Variants in ASIC2 observed in about 807,000 individuals in gnomAD.
ASIC2 encodes the protein acid sensing ion channel subunit 2, also known as acid-sensing ion channel 2.
Under a neutral mutation model 57.3 loss-of-function variants are expected in ASIC2, and 25 were observed. The ratio of observed to expected loss-of-function variants is 0.44; its 90% CI spans 0.32 to 0.61. ASIC2 has a LOEUF of 0.61. Ranked by LOEUF, ASIC2 falls within the 20% of genes least tolerant of loss-of-function variation. The probability of loss-of-function intolerance (pLI) is 0.06; values close to 1 mark genes in which losing one functional copy is unlikely to be tolerated. For synonymous variants in ASIC2, 319 were observed against 307.5 expected, an observed-to-expected ratio of 1.04 and a Z score of -0.39; for missense variants, 641 against 738.1, an observed-to-expected ratio of 0.87 and a Z score of 1.52.
chr17:33,573,119 A>G (rs1469973350), intron 1 of ASIC2, among the ~76,000 whole-genome samples: 1 of 152,184 alleles, frequency 6.6e-6, no homozygotes, highest in Admixed American at 6.5e-5. Context: ...AAGGTGAAAT[A>G]TGGGCTTCAT....
chr17:33,488,963 G>T (rs768547820), intron 1 of ASIC2, among the ~76,000 whole-genome samples: 7 of 151,984 alleles, frequency 4.6e-5, no homozygotes, highest in African/African-American at 7.3e-5. Context: ...CAGTAGCATG[G>T]GTCACAGTCC....
At chr17:33,818,908 C>G (rs1251269204) in intron 1 of ASIC2, among the ~76,000 whole-genome samples, 1 of 152,164 alleles carries the variant, frequency 6.6e-6, no homozygotes, top group African/African-American at 2.4e-5. Context: ...TTCCAAGGCC[C>G]CATCTTGCTC....
At position 33,674,873 on chromosome 17, in the gene ASIC2, T is replaced by C. The variant is rs75860964; in HGVS notation, c.555+481105A>G. 2.6e-3 allele frequency among the ~76,000 whole-genome samples: 389 copies of C among 152,250 alleles called. 10 individuals are homozygous for C. In the East Asian group the frequency reaches 0.057, roughly 22 times the overall value. ...TGCATTTGTGGTCTGAGCCCAGAAA[T>C]TGAGGAATCACGTGACCTTGGGTAA... is the stretch of plus-strand genomic sequence containing the variant. On this transcript the variant is annotated intron_variant, in intron 1 of 9. Coordinates refer to the ASIC2 transcript ENST00000359872.
chr17:33,871,012 A>G (rs1914390170), intron 1 of ASIC2, among the ~76,000 whole-genome samples: 1 of 152,208 alleles, frequency 6.6e-6, no homozygotes, highest in African/African-American at 2.4e-5. Context: ...GAAGCTGGGC[A>G]TCTTGGCTTC....
chr17:33,109,640 C>T (rs2092248762), intron 2 of ASIC2, among the ~76,000 whole-genome samples: 1 of 152,138 alleles, frequency 6.6e-6, no homozygotes, highest in South Asian at 2.1e-4. Flanking sequence ...TTTTCTCATG[C>T]CTCCTGCACC....
At chr17:33,874,280 C>T (rs1221937046) in intron 1 of ASIC2, among the ~76,000 whole-genome samples, 1 of 152,142 alleles carries the variant, frequency 6.6e-6, no homozygotes, top group Non-Finnish European at 1.5e-5. Flanking sequence ...GATGAAAGGA[C>T]TTTAGACCTC....
At chr17:33,966,063 G>C (rs185855361) in intron 1 of ASIC2, among the ~76,000 whole-genome samples, 1 of 152,184 alleles carries the variant, frequency 6.6e-6, no homozygotes, top group African/African-American at 2.4e-5. Flanking sequence ...CTGTACATGG[G>C]CTATTGTTCA....
chr17:33,029,715 A>G (rs571289413), intron 3 of ASIC2, among the ~76,000 whole-genome samples: 1 of 152,244 alleles, frequency 6.6e-6, no homozygotes, highest in Non-Finnish European at 1.5e-5. Flanking sequence ...CCCAACTGTT[A>G]TCCAAAGTGG....
In ASIC2 at chr17:33,650,307, A is replaced by T. The variant is rs149777777; in HGVS notation, c.555+505671T>A. Among the ~76,000 whole-genome samples the T allele has an allele frequency of 1.9e-3, 287 of 152,328 alleles. 1 individual carries two copies. Among genetic ancestry groups the T allele is most frequent in the African/African-American group, 6.5e-3 (269 of 41,574 alleles). ...TGATCACTATCCCTCTATCAGAATG[A>T]ATAAAATAAAAAAGAGTGAGAACTC... is the stretch of plus-strand genomic sequence containing the variant. On this transcript the variant is annotated intron_variant, in intron 1 of 9. Transcript: ENST00000359872.
At chr17:34,137,512 G>A (rs1007806251) in intron 1 of ASIC2, among the ~76,000 whole-genome samples, 3 of 152,206 alleles carry the variant, frequency 2.0e-5, no homozygotes, top group Admixed American at 6.5e-5. Context: ...GTTGTGTGGA[G>A]GAAACATCTC....
chr17:33,313,296 C>T (rs1473490152), intron 1 of ASIC2, among the ~76,000 whole-genome samples: 1 of 151,210 alleles, frequency 6.6e-6, no homozygotes, highest in African/African-American at 2.4e-5. Flanking sequence ...TCACTGCACT[C>T]TGCCCTGGGA....
intron 1 of ASIC2, among the ~76,000 whole-genome samples, chr17:33,625,643 G>C (rs1233406463): frequency 6.6e-6 from 1 of 152,196 alleles, no homozygotes; most frequent in Non-Finnish European, 1.5e-5. Flanking sequence ...CAAACTTTTT[G>C]AATATCCCTA....
rs1245935524 is a variant in ASIC2 at position 33,291,261 on chromosome 17, G to T, written c.708+147C>A. On this transcript the variant is annotated intron_variant, in intron 1 of 9. Transcript: ENST00000225823. ...ACAACCTGCAGGAGAAGACTCAGGG[G>T]ACCCAAGAATGGGTTCTGCCTTGGC... is the stretch of plus-strand genomic sequence containing the variant. The T allele has an allele frequency of 3.8e-5, 53 of 1,408,452 alleles. No individual in the cohort carries two copies. In the South Asian group the frequency reaches 7.9e-4, roughly 21 times the overall value. 87.2% of individuals were successfully genotyped at this position (1,408,452 alleles called of 1,614,324 possible).
intron 1 of ASIC2, among the ~76,000 whole-genome samples, chr17:34,095,430 A>G (rs1354301949): frequency 2.6e-5 from 4 of 152,094 alleles, no homozygotes; most frequent in African/African-American, 9.6e-5. Context: ...TCCTTAATAG[A>G]CAAGCTGGTG....
intron 1 of ASIC2, among the ~76,000 whole-genome samples, chr17:33,478,452 C>G (rs1391032125): frequency 6.6e-6 from 1 of 152,232 alleles, no homozygotes; most frequent in Non-Finnish European, 1.5e-5. Flanking sequence ...TATGTGCAAA[C>G]CATTTCTGCC....
chr17:33,871,111 C>T (rs1041718013), intron 1 of ASIC2, among the ~76,000 whole-genome samples: 1 of 152,176 alleles, frequency 6.6e-6, no homozygotes, highest in African/African-American at 2.4e-5. Context: ...CTCTCCCTTC[C>T]TCCTGCATGG....
At chr17:33,539,710 C>T (rs1180458778) in intron 1 of ASIC2, among the ~76,000 whole-genome samples, 2 of 152,206 alleles carry the variant, frequency 1.3e-5, no homozygotes, top group Non-Finnish European at 2.9e-5. Flanking sequence ...CAGCTCAATC[C>T]TTGACTAGCT....
At chr17:33,372,353 T>C (rs1178451257) in intron 1 of ASIC2, among the ~76,000 whole-genome samples, 1 of 152,064 alleles carries the variant, frequency 6.6e-6, no homozygotes, top group African/African-American at 2.4e-5. Flanking sequence ...CCTTGAGTGA[T>C]CTCCTTTGTG....
At chr17:33,052,149 G>T (rs543281928) in intron 3 of ASIC2, 1 of 152,320 alleles carries the variant, frequency 6.6e-6, no homozygotes, top group Admixed American at 6.5e-5. Flanking sequence ...TCTCACCCTT[G>T]TTCTCAGAAA....
Sources: gnomAD v4.1 joint callset for allele counts (sites outside exome capture counted in the v4.1 genomes callset) on GRCh38, gnomAD v4.1.1 for gene constraint, MANE v1.5 for transcripts, NCBI Gene and HGNC (gene_info 2026-07-23, HGNC 2026-07-21) for gene names.